The following CPNE3 variants were observed in gnomAD, a reference collection of about 807,000 sequenced individuals.
CPNE3 encodes copine 3.
In CPNE3, 68 loss-of-function variants were observed where a neutral mutation model predicts 63.9. That is an observed-to-expected ratio of 1.06 (90% CI 0.87 to 1.30). The LOEUF is 1.30. Among genes scored for constraint, CPNE3 ranks in the 50% most tolerant of loss-of-function variants. The pLI is 0.00. For synonymous variants in CPNE3, 219 were observed against 197.5 expected (o/e 1.11, Z -0.91); for missense variants, 665 against 578.1 (o/e 1.15, Z -1.54).
Position 86,551,165 on chromosome 8 carries a change from T to C in CPNE3, c.1069-18T>C. The C allele has an allele frequency of 6.2e-7, 1 of 1,613,508 alleles. No homozygotes were observed. The highest frequency in any genetic ancestry group is 8.5e-7 in the Non-Finnish European group (1 of 1,179,452). ...AAAGCAGCCCAGCCCTCATCAGTCC[T>C]TTGTCCATCTTTGACAGGTATCACA... On this transcript the variant is annotated intron_variant, in intron 13 of 16. Coordinates refer to ENST00000517490, the MANE Select transcript of CPNE3 (RefSeq NM_003909.5).
At position 86,551,246 on chromosome 8, in the gene CPNE3, A is replaced by T; in HGVS notation, c.1120+12A>T. On this transcript the variant is annotated intron_variant, in intron 14 of 16. Coordinates refer to ENST00000517490, the MANE Select transcript of CPNE3 (RefSeq NM_003909.5). ...TCCCTACTGCAATGGTAAGTTAAAA[A>T]ATAAACATGAAGACTTCAAATGGAA... 1.9e-6 allele frequency: 3 copies of T among 1,546,462 alleles called. No homozygotes were observed. The highest frequency in any genetic ancestry group is 2.7e-6 in the Non-Finnish European group (3 of 1,119,164).
chr8:86,546,633 GA>G lies in CPNE3; in HGVS notation c.778del (p.Ser260AlafsTer10), dbSNP rs761955273. 5.0e-6 allele frequency: 8 copies of G among 1,613,196 alleles called. No individual in the cohort carries two copies. Among genetic ancestry groups the G allele is most frequent in the African/African-American group, 1.3e-5 (1 of 74,940 alleles). On this transcript the variant is annotated frameshift_variant, in exon 10 of 17. Transcript: ENST00000517490. LOFTEE classifies it high-confidence loss of function. ...ECINEKKRQKKKSYKNSGVIS... is the reference protein window; with the variant it reads ...ECINEKKRQKXKSYKNSGVIS... Reference sequence around the variant, plus strand: ...GCATAAATGAGAAAAAAAGGCAAAAGAAAAAAAGCTACAAGAATTCAGGTGT... The same window carrying G: ...GCATAAATGAGAAAAAAAGGCAAAAGAAAAAAGCTACAAGAATTCAGGTGT...
chr8:86,556,474 G>A (rs1169209813), intron 16 of CPNE3, 136 bp downstream of exon 16: 29 of 694,330 alleles, frequency 4.2e-5, no homozygotes, highest in Admixed American at 1.0e-4. Flanking sequence ...TGAGAGCTCC[G>A]ATTTGGTTTA....
At chr8:86,555,027 TAGC>T in intron 15 of CPNE3, 43 bp downstream of exon 15, 8 of 1,610,696 alleles carry the variant, frequency 5.0e-6, no homozygotes, top group Non-Finnish European at 6.8e-6. Flanking sequence ...TGTGGATTGG[TAGC>T]AGCTCCTGGT....
intron 12 of CPNE3, among the ~76,000 whole-genome samples, chr8:86,550,811 T>G (rs1451866879): frequency 6.6e-6 from 1 of 152,176 alleles, no homozygotes; most frequent in African/African-American, 2.4e-5. Context: ...GCATGTAAAC[T>G]CCATTTCTAC....
intron 15 of CPNE3, 96 bp downstream of exon 15, chr8:86,555,080 C>T: frequency 3.3e-6 from 5 of 1,519,058 alleles, no homozygotes; most frequent in East Asian, 2.3e-5. Context: ...AATACAAAGT[C>T]AGGGCAAGAT....
At chr8:86,549,839 C>T (rs1489703855) in intron 12 of CPNE3, among the ~76,000 whole-genome samples, 3 of 152,178 alleles carry the variant, frequency 2.0e-5, no homozygotes, top group Non-Finnish European at 4.4e-5. Flanking sequence ...CTTTTAGGGG[C>T]ATGATTCAGA....
intron 14 of CPNE3, among the ~76,000 whole-genome samples, chr8:86,553,748 A>AG (rs1174474929): frequency 1.0e-4 from 13 of 127,320 alleles, no homozygotes. Context: ...ATTTACATTA[A>AG]GTTTTTTTTT....
chr8:86,544,879 G>A, intron 9 of CPNE3, 41 bp downstream of exon 9: 1 of 1,236,408 alleles, frequency 8.1e-7, no homozygotes, highest in Non-Finnish European at 1.1e-6. Context: ...TTATAGTTTG[G>A]CTATGTATTT....
At chr8:86,522,876 T>C (rs1820465947) in intron 2 of CPNE3, among the ~76,000 whole-genome samples, 1 of 152,162 alleles carries the variant, frequency 6.6e-6, no homozygotes, top group Admixed American at 6.5e-5. Context: ...TCACAATTGT[T>C]TTAGGACACA....
intron 14 of CPNE3, 134 bp downstream of exon 14, chr8:86,551,368 A>T: frequency 1.5e-6 from 1 of 682,306 alleles, no homozygotes; most frequent in Admixed American, 2.7e-5. Flanking sequence ...ATTTTCTTAC[A>T]TATTTAACTT....
rs543308423 is a variant in CPNE3 at position 86,559,285 on chromosome 8, A to G, written c.*875A>G. 6.6e-6 allele frequency: 1 copy of G among 152,302 alleles called. No individual in the cohort carries two copies. Among genetic ancestry groups the G allele is most frequent in the African/African-American group, 2.4e-5 (1 of 41,566 alleles). The allele number at this position is 152,302 out of a possible 1,614,324, so 9.4% of individuals were successfully genotyped here. On this transcript the variant is annotated 3_prime_UTR_variant, in exon 17 of 17. Transcript: ENST00000517490. Reference sequence around the variant, plus strand: ...GTTAGGACTGTTTTGTCCAGGAAAGATAAGAGGACCAAACATATAAGGTGA... The same window carrying G: ...GTTAGGACTGTTTTGTCCAGGAAAGGTAAGAGGACCAAACATATAAGGTGA...
chr8:86,519,809 G>A (rs940498988), intron 2 of CPNE3, among the ~76,000 whole-genome samples: 2 of 152,194 alleles, frequency 1.3e-5, no homozygotes, highest in African/African-American at 4.8e-5. Flanking sequence ...CGCCTCCCTG[G>A]TTCAAGCGAT....
Position 86,556,192 on chromosome 8 carries a change from A to G in CPNE3, c.1345A>G (p.Met449Val), listed in dbSNP as rs1563702625. Residue 449 changes from methionine (M) to valine (V), a missense_variant, in exon 16 of 17, where the codon ATG (methionine) becomes GTG (valine). Transcript: ENST00000517490. The stretch of plus-strand genomic sequence containing the variant: ...TATAGTTAATGCCTCCAGGCTGCCT[A>G]TGTCCATCATAATTGTTGGAGTTGG... ...QAIVNASRLP[M>V]SIIIVGVGGA... is the part of the protein sequence containing the mutation. 1.1e-6 allele frequency: 1 copy of G among 873,042 alleles called. No individual in the cohort carries two copies. Among genetic ancestry groups the G allele is most frequent in the Non-Finnish European group, 2.0e-6 (1 of 501,696 alleles). 54.1% of individuals were successfully genotyped at this position (873,042 alleles called of 1,614,324 possible).
Position 86,556,256 on chromosome 8 carries a change from A to G in CPNE3, c.1409A>G (p.Asp470Gly), listed in dbSNP as rs140004037. 3 of 872,996 alleles carry G rather than the reference A, an allele frequency of 3.4e-6. No individual in the cohort carries two copies. The highest frequency in any genetic ancestry group is 2.4e-5 in the East Asian group (1 of 41,704). The allele number at this position is 872,996 out of a possible 1,614,324, so 54.1% of individuals were successfully genotyped here. ...AGCGCCATGGAGTTTCTGGATGGTG[A>G]TGGTGGAAGTCTCCGCTCCCCATTG... ...DFSAMEFLDG[D>G]GGSLRSPLGE... is the part of the protein sequence containing the mutation. The change falls in exon 16 of 17, where the codon GAT (aspartate) becomes GGT (glycine). Residue 470 changes from aspartate to glycine, a missense_variant. Physicochemically the swap from Asp to Gly is moderately conservative, Grantham distance 94 (BLOSUM62 -1). Transcript: ENST00000517490.
intron 6 of CPNE3, among the ~76,000 whole-genome samples, chr8:86,537,336 G>A (rs905281606): frequency 8.5e-5 from 13 of 152,278 alleles, no homozygotes; most frequent in East Asian, 1.9e-4. Context: ...AGAAGTCAGG[G>A]TATGATATAC....
chr8:86,533,402 G>A (rs1352711887), intron 6 of CPNE3, among the ~76,000 whole-genome samples: 3 of 152,158 alleles, frequency 2.0e-5, no homozygotes, highest in Middle Eastern at 3.4e-3. Flanking sequence ...AATTAGCTGG[G>A]TGTGGTGGCA....
At chr8:86,553,267 A>G (rs1215396526) in intron 14 of CPNE3, among the ~76,000 whole-genome samples, 1 of 151,996 alleles carries the variant, frequency 6.6e-6, no homozygotes, top group Non-Finnish European at 1.5e-5. Context: ...TATGTTCTCA[A>G]AGGTTGTTCA....
intron 4 of CPNE3, 45 bp from the exon 5 acceptor site, chr8:86,531,110 T>C (rs1820673007): frequency 1.2e-6 from 1 of 859,188 alleles, no homozygotes; most frequent in Admixed American, 1.7e-5. Context: ...TAAAAATTCT[T>C]AGGTTGAAGG....
Sources: allele counts gnomAD v4.1 joint callset (sites outside exome capture counted in the v4.1 genomes callset), GRCh38; gene constraint gnomAD v4.1.1; transcripts MANE v1.5; gene names NCBI Gene and HGNC (gene_info 2026-07-23, HGNC 2026-07-21).